Variants in MARCHF10 observed in about 807,000 individuals in gnomAD.
The protein encoded by MARCHF10 is probable E3 ubiquitin-protein ligase MARCHF10.
Under a neutral mutation model 76.2 loss-of-function variants are expected in MARCHF10, and 64 were observed. That is an observed-to-expected ratio of 0.84 (90% confidence interval 0.69 to 1.03). MARCHF10 has a LOEUF of 1.03. Ranked by LOEUF, MARCHF10 falls within the 50% of genes least tolerant of loss-of-function variation. The pLI, the probability that MARCHF10 is intolerant of heterozygous loss-of-function variation, is 0.00. For synonymous variants in MARCHF10, 340 were observed against 357.5 expected, an observed-to-expected ratio of 0.95 and a Z score of 0.55; for missense variants, 875 against 958.0, an observed-to-expected ratio of 0.91 and a Z score of 1.14.
At chr17:62,798,024 C>T (rs1313538329) in intron 2 of MARCHF10, among the ~76,000 whole-genome samples, 3 of 152,112 alleles carry the variant, frequency 2.0e-5, no homozygotes, top group Admixed American at 2.0e-4. Context: ...GGGATACAAC[C>T]ATGGACATAT....
At chr17:62,763,497 T>A (rs1226621916) in intron 3 of MARCHF10, among the ~76,000 whole-genome samples, 2 of 152,192 alleles carry the variant, frequency 1.3e-5, no homozygotes, top group Admixed American at 1.3e-4. Context: ...TTAGAGATAA[T>A]CAAACAATAA....
intron 6 of MARCHF10, among the ~76,000 whole-genome samples, chr17:62,734,345 A>AG (rs2091168590): frequency 6.6e-6 from 1 of 151,978 alleles, no homozygotes; most frequent in South Asian, 2.1e-4. Flanking sequence ...AGGGTGGGTG[A>AG]GGGGCTCAGG....
intron 2 of MARCHF10, among the ~76,000 whole-genome samples, chr17:62,793,728 C>T (rs2092930116): frequency 6.8e-6 from 1 of 147,222 alleles, no homozygotes; most frequent in Non-Finnish European, 1.5e-5. Context: ...TCCATCACCA[C>T]CACCGCCTCC....
intron 6 of MARCHF10, among the ~76,000 whole-genome samples, chr17:62,727,159 C>T (rs2090796492): frequency 2.0e-5 from 3 of 152,108 alleles, no homozygotes; most frequent in Non-Finnish European, 1.5e-5. Context: ...AACAGGAGGA[C>T]GAAGGGCTCT....
At chr17:62,723,010 C>T (rs1035689862) in intron 7 of MARCHF10, among the ~76,000 whole-genome samples, 1 of 150,278 alleles carries the variant, frequency 6.7e-6, no homozygotes, top group African/African-American at 2.5e-5. Context: ...TAGTGAGGAC[C>T]AAAATAGATG....
chr17:62,716,041 T>C (rs923051557), intron 8 of MARCHF10, among the ~76,000 whole-genome samples: 1 of 152,176 alleles, frequency 6.6e-6, no homozygotes, highest in Non-Finnish European at 1.5e-5. Context: ...GCCCGGTTGA[T>C]AGAAGGCCCG....
intron 4 of MARCHF10, chr17:62,747,079 C>T: frequency 1.3e-6 from 1 of 792,656 alleles, no homozygotes; most frequent in Non-Finnish European, 2.0e-6. Context: ...CTCCAACTAG[C>T]CTGCACGCTC....
At chr17:62,765,697 C>T (rs1001586628) in intron 3 of MARCHF10, among the ~76,000 whole-genome samples, 24 of 152,064 alleles carry the variant, frequency 1.6e-4, no homozygotes, top group African/African-American at 4.8e-4. Flanking sequence ...GCAAGCAGGA[C>T]GTGCTAGGTA....
At chr17:62,749,113 C>T (rs2091809280) in intron 4 of MARCHF10, among the ~76,000 whole-genome samples, 3 of 152,144 alleles carry the variant, frequency 2.0e-5, no homozygotes, top group Non-Finnish European at 2.9e-5. Context: ...AGAAACCAAA[C>T]AGCTGTTTAG....
At chr17:62,739,239 C>T (rs1221922554) in intron 5 of MARCHF10, among the ~76,000 whole-genome samples, 3 of 152,056 alleles carry the variant, frequency 2.0e-5, no homozygotes, top group Admixed American at 2.0e-4. Flanking sequence ...GCAGAGGTTG[C>T]AGTGAGCCCA....
chr17:62,724,847 G>A lies in MARCHF10; in HGVS notation c.2104+91C>T, dbSNP rs2090671885. On this transcript the variant is annotated intron_variant, in intron 7 of 10. Transcript: ENST00000311269. ...GAGTCGCTGTTCTGCGGAGGAGAGT[G>A]AGCTGATGACAAGGCTCCGGGGCCC... 4.3e-6 allele frequency: 6 copies of A among 1,398,176 alleles called. No homozygotes were observed. The African/African-American group carries it at 5.8e-5, about 14-fold the overall frequency. 86.6% of individuals were successfully genotyped at this position (1,398,176 alleles called of 1,614,324 possible).
At chr17:62,704,333 G>C (rs1341311872) in intron 10 of MARCHF10, among the ~76,000 whole-genome samples, 1 of 152,076 alleles carries the variant, frequency 6.6e-6, no homozygotes, top group Admixed American at 6.5e-5. Context: ...AGGCCCGGGG[G>C]GGCGAGGCCG....
Position 62,726,896 on chromosome 17 carries a change from C to T in MARCHF10, c.1938-1792G>A, listed in dbSNP as rs369843401. On this transcript the variant is annotated intron_variant, in intron 6 of 10. Coordinates refer to ENST00000311269, the MANE Select transcript of MARCHF10 (RefSeq NM_152598.4). Reference sequence around the variant, plus strand: ...CGCCTGCCTTGGTCTCTCAAAAGTGCTGGGATTACAGGTGTGAGCCACCAC... The same window carrying T: ...CGCCTGCCTTGGTCTCTCAAAAGTGTTGGGATTACAGGTGTGAGCCACCAC... Among the ~76,000 whole-genome samples the T allele has an allele frequency of 2.2e-4, 33 of 152,158 alleles. 1 individual carries two copies. The highest frequency in any genetic ancestry group is 7.7e-4 in the African/African-American group (32 of 41,406).
chr17:62,747,077 AG>A, intron 4 of MARCHF10: 1 of 824,628 alleles, frequency 1.2e-6, no homozygotes, highest in Non-Finnish European at 1.9e-6. Flanking sequence ...CTCTCCAACT[AG>A]CCTGCACGCT....
chr17:62,742,323 T>C (rs1376213830), intron 5 of MARCHF10, among the ~76,000 whole-genome samples: 3 of 152,164 alleles, frequency 2.0e-5, no homozygotes, highest in Non-Finnish European at 4.4e-5. Flanking sequence ...CCCAGCCTCC[T>C]TCCTTATTTT....
At chr17:62,804,280 G>T (rs763143304) in intron 1 of MARCHF10, among the ~76,000 whole-genome samples, 4 of 152,154 alleles carry the variant, frequency 2.6e-5, no homozygotes, top group African/African-American at 9.7e-5. Flanking sequence ...GCTGTCAGAC[G>T]CAGGGCTCTG....
intron 8 of MARCHF10, among the ~76,000 whole-genome samples, chr17:62,713,158 TC>T (rs2147616124): frequency 6.6e-6 from 1 of 152,316 alleles, no homozygotes; most frequent in East Asian, 1.9e-4. Flanking sequence ...TTTTAGCTCC[TC>T]CTCACCAACA....
chr17:62,704,419 G>A (rs1320948074), intron 10 of MARCHF10, among the ~76,000 whole-genome samples: 3 of 152,208 alleles, frequency 2.0e-5, no homozygotes, highest in Admixed American at 2.0e-4. Flanking sequence ...GGGCTCCCGG[G>A]CTCCTTTTGT....
intron 3 of MARCHF10, among the ~76,000 whole-genome samples, chr17:62,762,281 T>C (rs1338035131): frequency 6.6e-6 from 1 of 152,188 alleles, no homozygotes; most frequent in Non-Finnish European, 1.5e-5. Flanking sequence ...ACCTACGGGA[T>C]TGTGAGCCTA....
Sources: gnomAD v4.1 joint callset for allele counts (sites outside exome capture counted in the v4.1 genomes callset) on GRCh38, gnomAD v4.1.1 for gene constraint, MANE v1.5 for transcripts, NCBI Gene and HGNC (gene_info 2026-07-23, HGNC 2026-07-21) for gene names.